The following CLVS1 variants were observed in gnomAD, a reference collection of about 807,000 sequenced individuals.
CLVS1 encodes clavesin 1, also known as clavesin-1.
CLVS1 carries 10 observed loss-of-function variants against 33.1 expected under a neutral mutation model. The observed-to-expected ratio is 0.30, with a 90% CI of 0.19 to 0.51. CLVS1 has a LOEUF of 0.51. Among genes scored for constraint, CLVS1 ranks in the 20% least tolerant of loss-of-function variants. The pLI is 0.97. For missense variants in CLVS1, 343 were observed against 433.4 expected (o/e 0.79, Z 1.85); for synonymous variants, 163 against 166.1 (o/e 0.98, Z 0.14).
chr8:61,025,460 C>A, the CLVS1 span, among the ~76,000 whole-genome samples: 3 of 152,184 alleles, frequency 2.0e-5, no homozygotes, highest in Non-Finnish European at 4.4e-5. Context: ...TTTTCTGAGA[C>A]TGCATTTACC....
At chr8:61,021,656 C>A in the CLVS1 span, among the ~76,000 whole-genome samples, 1 of 152,114 alleles carries the variant, frequency 6.6e-6, no homozygotes, top group Non-Finnish European at 1.5e-5. Flanking sequence ...CGCACCCGGC[C>A]TCCATGGTTG....
At chr8:61,193,521 A>T (rs989259593) in intron 2 of CLVS1, among the ~76,000 whole-genome samples, 17 of 151,964 alleles carry the variant, frequency 1.1e-4, no homozygotes, top group Middle Eastern at 3.4e-3. Context: ...AGTATAATAA[A>T]AAAAAAAGAA....
chr8:61,160,394 A>G lies in CLVS1; in HGVS notation c.-152+28534A>G, dbSNP rs1160400810. On this transcript the variant is annotated intron_variant, in intron 2 of 2. Transcript: ENST00000522621. ...ATCTATATTTAGTAAACAAAACAAA[A>G]CAAGCATCCTCCCGAAACAAAAACA... is the stretch of plus-strand genomic sequence containing the variant. Among the ~76,000 whole-genome samples, 7 of 152,216 alleles carry G rather than the reference A, an allele frequency of 4.6e-5. No individual in the cohort carries two copies. In the East Asian group the frequency reaches 1.2e-3, roughly 25 times the overall value.
At chr8:61,413,001 AT>A (rs1043254604) in intron 3 of CLVS1, among the ~76,000 whole-genome samples, 4 of 152,160 alleles carry the variant, frequency 2.6e-5, no homozygotes, top group Non-Finnish European at 4.4e-5. Context: ...TTCCTGACTT[AT>A]GTTTAGAAGC....
chr8:61,427,877 C>T (rs1485055029), intron 3 of CLVS1, among the ~76,000 whole-genome samples: 2 of 152,222 alleles, frequency 1.3e-5, no homozygotes, highest in Non-Finnish European at 2.9e-5. Flanking sequence ...TTGTGCCTTC[C>T]ATTGCAGGCC....
chr8:61,388,414 G>T (rs1814170220), intron 3 of CLVS1, among the ~76,000 whole-genome samples: 1 of 151,044 alleles, frequency 6.6e-6, no homozygotes, highest in African/African-American at 2.4e-5. Flanking sequence ...TTTTATAAAA[G>T]ATCTGAAACG....
At chr8:61,106,536 A>G (rs968612311) in intron 1 of CLVS1, among the ~76,000 whole-genome samples, 1 of 152,182 alleles carries the variant, frequency 6.6e-6, no homozygotes, top group African/African-American at 2.4e-5. Flanking sequence ...GAGAGAGGAA[A>G]ATGAGCACGG....
At chr8:61,102,136 A>G (rs1357886074) in intron 1 of CLVS1, among the ~76,000 whole-genome samples, 1 of 152,210 alleles carries the variant, frequency 6.6e-6, no homozygotes, top group Non-Finnish European at 1.5e-5. Context: ...TAAAGAAGCC[A>G]GATGGGATTT....
At chr8:61,134,496 G>A (rs140237668) in intron 2 of CLVS1, among the ~76,000 whole-genome samples, 2 of 152,336 alleles carry the variant, frequency 1.3e-5, no homozygotes, top group East Asian at 3.9e-4. Context: ...AAATCCAAAT[G>A]TCAGTGTTTA....
intron 2 of CLVS1, among the ~76,000 whole-genome samples, chr8:61,331,557 A>G (rs943214885): frequency 1.3e-5 from 2 of 148,802 alleles, no homozygotes; most frequent in Admixed American, 6.7e-5. Context: ...TTTTCTTGCC[A>G]ATTTTGGTTT....
At chr8:61,001,624 C>G in the CLVS1 span, among the ~76,000 whole-genome samples, 3 of 152,244 alleles carry the variant, frequency 2.0e-5, no homozygotes, top group African/African-American at 7.2e-5. Context: ...AGAGTAGTTT[C>G]CCATTGTATG....
At chr8:61,387,128 C>T (rs1814115505) in intron 3 of CLVS1, among the ~76,000 whole-genome samples, 1 of 152,160 alleles carries the variant, frequency 6.6e-6, no homozygotes, top group Admixed American at 6.5e-5. Flanking sequence ...TGGCTCATGC[C>T]TATAATCCTA....
At chr8:61,337,649 T>A (rs1458134431) in intron 2 of CLVS1, among the ~76,000 whole-genome samples, 4 of 152,216 alleles carry the variant, frequency 2.6e-5, no homozygotes, top group Non-Finnish European at 5.9e-5. Flanking sequence ...TGTTTATGTG[T>A]CTTCCCATAC....
intron 1 of CLVS1, chr8:61,292,207 G>A (rs1466302180): frequency 1.2e-4 from 44 of 366,154 alleles, no homozygotes; most frequent in Non-Finnish European, 6.6e-5. Flanking sequence ...TCCATGTTCT[G>A]AAGAAATAAG....
intron 2 of CLVS1, among the ~76,000 whole-genome samples, chr8:61,190,443 C>G (rs1807445144): frequency 6.6e-6 from 1 of 152,076 alleles, no homozygotes; most frequent in African/African-American, 2.4e-5. Flanking sequence ...AATTGACACC[C>G]TAACATCACA....
chr8:60,999,872 G>A, the CLVS1 span, among the ~76,000 whole-genome samples: 1 of 152,152 alleles, frequency 6.6e-6, no homozygotes, highest in South Asian at 2.1e-4. Context: ...AGGGAGAAAG[G>A]TTCACAGGGG....
chr8:61,185,143 G>GCTTTTTTTTTT (rs376138569), intron 2 of CLVS1, among the ~76,000 whole-genome samples: 1 of 143,764 alleles, frequency 7.0e-6, no homozygotes. Context: ...AGAGAGTATA[G>GCTTTTTTTTTT]TTTTTGTTTT....
At chr8:61,359,033 A>G (rs1283867151) in intron 2 of CLVS1, among the ~76,000 whole-genome samples, 1 of 152,204 alleles carries the variant, frequency 6.6e-6, no homozygotes, top group Non-Finnish European at 1.5e-5. Context: ...TTTCTTTTAT[A>G]GATTTCTGTT....
intron 1 of CLVS1, among the ~76,000 whole-genome samples, chr8:61,123,194 G>A (rs1402234676): frequency 2.1e-5 from 3 of 142,860 alleles, no homozygotes; most frequent in South Asian, 2.3e-4. Flanking sequence ...ACTTGAACTC[G>A]GGAGGCGGAG....
Sources: allele counts gnomAD v4.1 joint callset (sites outside exome capture counted in the v4.1 genomes callset), GRCh38; gene constraint gnomAD v4.1.1; transcripts MANE v1.5; gene names NCBI Gene and HGNC (gene_info 2026-07-23, HGNC 2026-07-21).